Variants in GPC3 observed in about 807,000 individuals in gnomAD.
GPC3 encodes glypican 3, also known as glypican-3.
GPC3 carries 3 observed loss-of-function variants against 34.4 expected under a neutral mutation model. The ratio of observed to expected loss-of-function variants is 0.09; its 90% CI spans 0.04 to 0.23. The LOEUF is 0.23. Ranked by LOEUF, GPC3 falls within the 10% of genes least tolerant of loss-of-function variation. The pLI, the probability that GPC3 is intolerant of heterozygous loss-of-function variation, is 1.00. For synonymous variants in GPC3, 177 were observed against 174.0 expected (o/e 1.02, Z -0.13); for missense variants, 351 against 445.6 (o/e 0.79, Z 1.91).
chrX:133,671,728 C>T (rs1222855793), intron 5 of GPC3, among the ~76,000 whole-genome samples: 1 of 110,966 alleles, frequency 9.0e-6, no homozygotes, highest in African/African-American at 3.3e-5. Context: ...CATATGTATA[C>T]ATGTGCCATA....
intron 3 of GPC3, among the ~76,000 whole-genome samples, chrX:133,747,177 T>G (rs919018319): frequency 1.8e-5 from 2 of 111,797 alleles, no homozygotes; most frequent in African/African-American, 3.3e-5. Flanking sequence ...TCTTCTACTG[T>G]CCGGAATCAA....
chrX:133,773,107 G>A (rs894192843), intron 2 of GPC3, among the ~76,000 whole-genome samples: 2 of 110,964 alleles, frequency 1.8e-5, no homozygotes, highest in Admixed American at 9.7e-5. Flanking sequence ...TGCCCAGGCT[G>A]GAGTGCAATG....
At chrX:133,683,566 A>G (rs981480136) in intron 5 of GPC3, among the ~76,000 whole-genome samples, 8 of 112,084 alleles carry the variant, frequency 7.1e-5, no homozygotes, top group Non-Finnish European at 1.9e-5. Flanking sequence ...AGAATTGTAT[A>G]CTAATAGGAC....
At chrX:133,877,261 T>C (rs1331486026) in intron 2 of GPC3, among the ~76,000 whole-genome samples, 1 of 111,937 alleles carries the variant, frequency 8.9e-6, no homozygotes, top group Non-Finnish European at 1.9e-5. Flanking sequence ...CATGGTTGCA[T>C]TAAGTTTTCC....
intron 6 of GPC3, among the ~76,000 whole-genome samples, chrX:133,650,457 CCACACACACACACA>C (rs537936603): frequency 1.0e-5 from 1 of 97,669 alleles, no homozygotes; most frequent in Non-Finnish European, 2.1e-5. Context: ...ACACACCCAC[CCACACACACACACA>C]CACACACACA....
At chrX:133,912,539 G>C (rs1336002152) in intron 2 of GPC3, among the ~76,000 whole-genome samples, 1 of 107,818 alleles carries the variant, frequency 9.3e-6, no homozygotes. Flanking sequence ...TGGGGGAAGG[G>C]GGGTGCGTGT....
At chrX:133,639,051 C>A (rs1199570079) in intron 6 of GPC3, among the ~76,000 whole-genome samples, 2 of 111,009 alleles carry the variant, frequency 1.8e-5, no homozygotes, top group Non-Finnish European at 3.8e-5. Flanking sequence ...TTATCCCAAC[C>A]TCATCTCCCA....
chrX:133,942,336 G>A (rs754356944), intron 2 of GPC3, among the ~76,000 whole-genome samples: 3 of 111,531 alleles, frequency 2.7e-5, no homozygotes, highest in South Asian at 7.5e-4. Flanking sequence ...TTAATTACAC[G>A]GACATTATTT....
At chrX:133,563,440 G>A (rs1376617335) in intron 7 of GPC3, among the ~76,000 whole-genome samples, 1 of 111,809 alleles carries the variant, frequency 8.9e-6, no homozygotes, top group African/African-American at 3.3e-5. Flanking sequence ...GTTATACTGA[G>A]CTTTTAATAT....
At chrX:133,614,214 A>C (rs974377987) in intron 6 of GPC3, among the ~76,000 whole-genome samples, 7 of 111,716 alleles carry the variant, frequency 6.3e-5, no homozygotes, top group Non-Finnish European at 1.1e-4. Flanking sequence ...AATGGCTGAA[A>C]ACTTCCTAAG....
chrX:133,873,604 T>C (rs1057461498), intron 2 of GPC3, among the ~76,000 whole-genome samples: 12 of 111,590 alleles, frequency 1.1e-4, no homozygotes, highest in African/African-American at 3.9e-4. Context: ...ACTATCTATA[T>C]AAGGGCATAT....
intron 7 of GPC3, among the ~76,000 whole-genome samples, chrX:133,545,258 G>T (rs2069374016): frequency 9.0e-6 from 1 of 111,704 alleles, no homozygotes; most frequent in African/African-American, 3.3e-5. Flanking sequence ...CAAATGTTGT[G>T]TAGGGGTCAA....
chrX:133,810,133 C>A (rs2075657094), intron 2 of GPC3, among the ~76,000 whole-genome samples: 1 of 111,890 alleles, frequency 8.9e-6, no homozygotes, highest in South Asian at 3.8e-4. Flanking sequence ...CATCTCTCAC[C>A]CAGAAGTACA....
chrX:133,909,873 C>T (rs559400082), intron 2 of GPC3, among the ~76,000 whole-genome samples: 1 of 111,584 alleles, frequency 9.0e-6, no homozygotes, highest in Admixed American at 9.6e-5. Flanking sequence ...CATACTATGA[C>T]GCAAACATAC....
intron 7 of GPC3, among the ~76,000 whole-genome samples, chrX:133,577,204 G>C (rs1168894391): frequency 8.9e-6 from 1 of 112,270 alleles, no homozygotes; most frequent in Non-Finnish European, 1.9e-5. Flanking sequence ...GATAGCAAGA[G>C]AGTCAGACAT....
At chrX:133,873,550 C>A (rs1418077670) in intron 2 of GPC3, among the ~76,000 whole-genome samples, 1 of 111,245 alleles carries the variant, frequency 9.0e-6, no homozygotes, top group Non-Finnish European at 1.9e-5. Context: ...TGAGACAGAA[C>A]AAAGCTTGAG....
At chrX:133,748,692 T>C (rs945189256) in intron 3 of GPC3, among the ~76,000 whole-genome samples, 3 of 112,056 alleles carry the variant, frequency 2.7e-5, no homozygotes, top group Admixed American at 9.5e-5. Flanking sequence ...AAACTCATTT[T>C]TCATTTGGCA....
chrX:133,536,568 C>A (rs1781072037), intron 7 of GPC3, among the ~76,000 whole-genome samples: 1 of 110,419 alleles, frequency 9.1e-6, no homozygotes, highest in African/African-American at 3.3e-5. Flanking sequence ...GCACCCCACT[C>A]CCCTTTGGCT....
chrX:133,723,902 G>A (rs1270915238), intron 3 of GPC3, among the ~76,000 whole-genome samples: 1 of 112,177 alleles, frequency 8.9e-6, no homozygotes, highest in Non-Finnish European at 1.9e-5. Flanking sequence ...TATCATTAGT[G>A]TGAATAATCA....
Sources: allele counts gnomAD v4.1 joint callset (sites outside exome capture counted in the v4.1 genomes callset), GRCh38; gene constraint gnomAD v4.1.1; transcripts MANE v1.5; gene names NCBI Gene and HGNC (gene_info 2026-07-23, HGNC 2026-07-21).